Variants in PPP1R21 observed in about 807,000 individuals in gnomAD.
The protein encoded by PPP1R21 is KLRAQ motif containing 1.
A neutral mutation model predicts 112.8 loss-of-function variants in PPP1R21; 85 were observed. The ratio of observed to expected loss-of-function variants is 0.75; its 90% CI spans 0.63 to 0.90. The LOEUF is 0.90. Among genes scored for constraint, PPP1R21 ranks in the 40% least tolerant of loss-of-function variants. PPP1R21 has a pLI of 0.00. For missense variants in PPP1R21, 1,199 were observed against 901.5 expected, an observed-to-expected ratio of 1.33 and a Z score of -4.23; for synonymous variants, 381 against 322.3, an observed-to-expected ratio of 1.18 and a Z score of -1.95.
chr2:48,483,994 A>T (rs1317273895), intron 13 of PPP1R21, among the ~76,000 whole-genome samples: 1 of 152,050 alleles, frequency 6.6e-6, no homozygotes, highest in Non-Finnish European at 1.5e-5. Context: ...AGCCTAATGT[A>T]TTACTCTTTA....
chr2:48,452,035 T>C (rs547685194), intron 2 of PPP1R21, among the ~76,000 whole-genome samples: 1 of 152,324 alleles, frequency 6.6e-6, no homozygotes, highest in East Asian at 1.9e-4. Flanking sequence ...CCAGGCTCTC[T>C]GCACCCAAGC....
At position 48,464,990 on chromosome 2, in the gene PPP1R21, G is replaced by A; in HGVS notation, c.747+1G>A. 1 of 1,555,838 alleles carries A rather than the reference G, an allele frequency of 6.4e-7. No homozygotes were observed. Among genetic ancestry groups the A allele is most frequent in the Non-Finnish European group, 8.6e-7 (1 of 1,161,086 alleles). On this transcript the variant is annotated splice_donor_variant, in intron 8 of 21. Transcript: ENST00000294952. LOFTEE classifies it high-confidence loss of function. ...TCCACTCCACAATAGGAGACACCAG[G>A]TAAAGGATGAAGTACATGTTTTTAT...
intron 1 of PPP1R21, among the ~76,000 whole-genome samples, chr2:48,446,821 A>G (rs1230784414): frequency 3.3e-5 from 5 of 152,100 alleles, no homozygotes; most frequent in Non-Finnish European, 2.9e-5. Flanking sequence ...ATCTTGGCTC[A>G]CTGCAACCTC....
In PPP1R21 at chr2:48,457,180, G is replaced by A. The variant is rs144922618; in HGVS notation, c.274-946G>A. ...AGGACTGTTGAGCAGAGGTTTGGGTGTAATATTGAGAATTAATTTTAATTA... is the reference window on the plus strand; with the variant it reads ...AGGACTGTTGAGCAGAGGTTTGGGTATAATATTGAGAATTAATTTTAATTA... On this transcript the variant is annotated intron_variant, in intron 3 of 21. Coordinates refer to ENST00000294952, the MANE Select transcript of PPP1R21 (RefSeq NM_001135629.3). Among the ~76,000 whole-genome samples the A allele has an allele frequency of 2.5e-3, 382 of 152,304 alleles. 1 individual carries two copies. The highest frequency in any genetic ancestry group is 8.5e-3 in the East Asian group (44 of 5,188).
chr2:48,486,647 T>C lies in PPP1R21; in HGVS notation c.1335T>C (p.Tyr445=), dbSNP rs1395687761. The change falls in exon 14 of 22, where the codon TAT becomes TAC. Residue 445 remains tyrosine, a synonymous_variant. Transcript: ENST00000294952. ...HDVMKDISKH[Y]SQKAAIEHEL... ...CTTTTATAGATATTTCCAAACATTA[T>C]AGTCAAAAAGCTGCAATAGAGCATG... 2 of 1,610,952 alleles carry C rather than the reference T, an allele frequency of 1.2e-6. No individual in the cohort carries two copies. The highest frequency in any genetic ancestry group is 8.5e-7 in the Non-Finnish European group (1 of 1,177,378).
chr2:48,491,346 T>TAG (rs1461090335), intron 15 of PPP1R21, among the ~76,000 whole-genome samples, 176 bp downstream of exon 15: 1 of 152,006 alleles, frequency 6.6e-6, no homozygotes, highest in Non-Finnish European at 1.5e-5. Flanking sequence ...GACCCAGACT[T>TAG]TACCTGAGAA....
chr2:48,507,472 T>C (rs1161724736), intron 19 of PPP1R21, 87 bp downstream of exon 19: 2 of 1,523,234 alleles, frequency 1.3e-6, no homozygotes, highest in Non-Finnish European at 1.7e-6. Context: ...CTGTTCACTG[T>C]AAGAGAGAAG....
chr2:48,485,137 G>T (rs1427979336), intron 13 of PPP1R21, among the ~76,000 whole-genome samples: 4 of 151,962 alleles, frequency 2.6e-5, no homozygotes, highest in Non-Finnish European at 5.9e-5. Flanking sequence ...TTAGAGTTCT[G>T]AAAATAGAAT....
At chr2:48,507,558 G>A (rs1020339982) in intron 19 of PPP1R21, among the ~76,000 whole-genome samples, 173 bp downstream of exon 19, 1 of 151,864 alleles carries the variant, frequency 6.6e-6, no homozygotes, top group African/African-American at 2.4e-5. Flanking sequence ...TAGTAGAGAC[G>A]GGGTTTCACC....
rs1012953213 is a variant in PPP1R21, at chr2:48,471,119, T to C, written c.930T>C (p.Tyr310=). ...AATACCTTCATGAAAATGCGTCCTA[T>C]GTCCGCCCTCTTGAGGAAGGAATGC... ...FSQYLHENAS[Y]VRPLEEGMLH... is the part of the protein sequence containing the mutation. Residue 310 remains tyrosine, a synonymous_variant, in exon 10 of 22, where the codon TAT becomes TAC. Coordinates refer to ENST00000294952, the MANE Select transcript of PPP1R21 (RefSeq NM_001135629.3). 4 of 1,612,830 alleles carry C rather than the reference T, an allele frequency of 2.5e-6. No individual in the cohort carries two copies. The highest frequency in any genetic ancestry group is 2.2e-5 in the South Asian group (2 of 91,050).
In PPP1R21 at chr2:48,471,113, G is replaced by A. The variant is rs377724679; in HGVS notation, c.924G>A (p.Ala308=). The change falls in exon 10 of 22, where the codon GCG becomes GCA. Residue 308 remains alanine (A), a synonymous_variant. Transcript: ENST00000294952. The part of the protein sequence containing the change: ...QKFSQYLHEN[A]SYVRPLEEGM... ...TCTCACAATACCTTCATGAAAATGC[G>A]TCCTATGTCCGCCCTCTTGAGGAAG... is the stretch of plus-strand genomic sequence containing the variant. 1.3e-5 allele frequency: 21 copies of A among 1,611,652 alleles called. No homozygotes were observed. The East Asian group carries it at 1.8e-4, about 14-fold the overall frequency.
rs963751256 is a variant in PPP1R21, at chr2:48,505,582, A to C, written c.1954A>C (p.Thr652Pro). The C allele has an allele frequency of 1.0e-5, 16 of 1,550,740 alleles. 1 individual carries two copies. Among genetic ancestry groups the C allele is most frequent in the Non-Finnish European group, 8.7e-7 (1 of 1,145,588 alleles). ...GTTCTAGATTGGGACTTTAACCAGG[A>C]CATCTGACAGTGAGGTAACATGTGC... ...STSLIGTLTR[T>P]SDSEVPDVES... The change falls in exon 18 of 22, where the codon ACA becomes CCA. Residue 652 changes from threonine (T) to proline (P), a missense_variant. By Grantham distance (38) the Thr-to-Pro change is conservative. Coordinates refer to ENST00000294952, the MANE Select transcript of PPP1R21 (RefSeq NM_001135629.3).
chr2:48,454,705 A>G lies in PPP1R21; in HGVS notation c.237A>G (p.Glu79=), dbSNP rs763234287. 1 of 1,614,056 alleles carries G rather than the reference A, an allele frequency of 6.2e-7. No individual in the cohort carries two copies. The highest frequency in any genetic ancestry group is 8.5e-7 in the Non-Finnish European group (1 of 1,180,010). The stretch of plus-strand genomic sequence containing the variant: ...AGAGGGTAGAACTACTTCAAGATGA[A>G]CTAGCTCTAAGTGAACCACGAGGCA... The part of the protein sequence containing the change: ...LAKRVELLQD[E]LALSEPRGKK... The change falls in exon 3 of 22, where the codon GAA becomes GAG. Residue 79 remains glutamate, a synonymous_variant. Coordinates refer to ENST00000294952, the MANE Select transcript of PPP1R21 (RefSeq NM_001135629.3).
chr2:48,448,842 C>G (rs892628631), intron 1 of PPP1R21, among the ~76,000 whole-genome samples: 15 of 152,188 alleles, frequency 9.9e-5, no homozygotes, highest in Non-Finnish European at 2.2e-4. Context: ...ATATTTTAGG[C>G]TTGAGGCTAT....
Position 48,474,674 on chromosome 2 carries a change from T to C in PPP1R21, c.1089-9T>C, listed in dbSNP as rs570868063. On this transcript the variant is annotated splice_polypyrimidine_tract_variant and intron_variant, in intron 11 of 21. Coordinates refer to ENST00000294952, the MANE Select transcript of PPP1R21 (RefSeq NM_001135629.3). ...GATGCTCACTTCTTAAAAATCTGCC[T>C]ATTCCTAGTTTAGAAGAAGAATGTG... is the stretch of plus-strand genomic sequence containing the variant. 7 of 1,597,462 alleles carry C rather than the reference T, an allele frequency of 4.4e-6. No homozygotes were observed. Among genetic ancestry groups the C allele is most frequent in the Non-Finnish European group, 6.0e-6 (7 of 1,173,406 alleles).
chr2:48,441,365 C>T, intron 1 of PPP1R21: 1 of 350,486 alleles, frequency 2.9e-6, no homozygotes, highest in Non-Finnish European at 5.5e-6. Flanking sequence ...CTCGCTGCTT[C>T]CTCAATTTTC....
At chr2:48,443,337 A>T (rs953059909) in intron 1 of PPP1R21, among the ~76,000 whole-genome samples, 1 of 152,116 alleles carries the variant, frequency 6.6e-6, no homozygotes, top group Non-Finnish European at 1.5e-5. Context: ...ACAGTTGAGG[A>T]AGTTTAGGGT....
chr2:48,496,379 C>G (rs1669835384), intron 16 of PPP1R21, among the ~76,000 whole-genome samples: 1 of 152,172 alleles, frequency 6.6e-6, no homozygotes. Flanking sequence ...GCATAAGACC[C>G]TCATTCTAGA....
chr2:48,464,216 G>A lies in PPP1R21; in HGVS notation c.695-721G>A, dbSNP rs928985180. On this transcript the variant is annotated intron_variant, in intron 7 of 21. Coordinates refer to ENST00000294952, the MANE Select transcript of PPP1R21 (RefSeq NM_001135629.3). The stretch of plus-strand genomic sequence containing the variant: ...CTGGTAATGTATAGCCCAGTGAGTA[G>A]CAATGGAGACATAAAAGGGAACTGG... Among the ~76,000 whole-genome samples the A allele has an allele frequency of 5.3e-5, 8 of 152,196 alleles. 1 individual carries two copies. Among genetic ancestry groups the A allele is most frequent in the Non-Finnish European group, 1.0e-4 (7 of 68,036 alleles).
Sources: allele counts gnomAD v4.1 joint callset (sites outside exome capture counted in the v4.1 genomes callset), GRCh38; gene constraint gnomAD v4.1.1; transcripts MANE v1.5; gene names NCBI Gene and HGNC (gene_info 2026-07-23, HGNC 2026-07-21).